Variants in LHFPL3 observed in about 807,000 individuals in gnomAD.
The protein encoded by LHFPL3 is LHFPL tetraspan subfamily member 3 protein.
Under a neutral mutation model 19.3 loss-of-function variants are expected in LHFPL3, and 5 were observed. That is an observed-to-expected ratio of 0.26 (90% CI 0.14 to 0.54). The LOEUF is 0.54. Ranked by LOEUF, LHFPL3 falls within the 20% of genes least tolerant of loss-of-function variation. The probability of loss-of-function intolerance (pLI) is 0.94; values close to 1 mark genes in which losing one functional copy is unlikely to be tolerated. For synonymous variants in LHFPL3, 133 were observed against 126.2 expected, an observed-to-expected ratio of 1.05 and a Z score of -0.36; for missense variants, 249 against 307.4, an observed-to-expected ratio of 0.81 and a Z score of 1.42.
intron 2 of LHFPL3, among the ~76,000 whole-genome samples, chr7:104,760,501 T>C (rs955061376): frequency 2.6e-5 from 4 of 152,216 alleles, no homozygotes; most frequent in African/African-American, 9.6e-5. Context: ...CATGTAAACA[T>C]ACAGTAGCCT....
intron 1 of LHFPL3, among the ~76,000 whole-genome samples, chr7:104,628,390 A>G (rs1265217378): frequency 6.6e-6 from 1 of 152,214 alleles, no homozygotes; most frequent in Non-Finnish European, 1.5e-5. Context: ...CTGCCCTGAC[A>G]TACATAATCC....
intron 1 of LHFPL3, among the ~76,000 whole-genome samples, chr7:104,603,104 TTCTTTCTTTC>T (rs1310697939): frequency 7.1e-6 from 1 of 141,470 alleles, no homozygotes; most frequent in Non-Finnish European, 1.5e-5. Flanking sequence ...CTTTCTTTCT[TTCTTTCTTTC>T]TTTCTTTCTT....
At chr7:104,462,375 A>G (rs562970893) in intron 1 of LHFPL3, among the ~76,000 whole-genome samples, 6 of 152,232 alleles carry the variant, frequency 3.9e-5, no homozygotes, top group Admixed American at 2.0e-4. Context: ...TTTGTCATGG[A>G]TGGCTATTAT....
rs372133666 is a variant in LHFPL3 at position 104,873,639 on chromosome 7, G to GA, written c.683-32539dup. Among the ~76,000 whole-genome samples, 26 of 150,114 alleles carry GA rather than the reference G, an allele frequency of 1.7e-4. No homozygotes were observed. The East Asian group carries it at 3.5e-3, about 20-fold the overall frequency. On this transcript the variant is annotated intron_variant, in intron 2 of 2. Transcript: ENST00000424859. ...AAAGATTCTGTCTCTAAAAAGGAAAGAAAAAAAAACTGAAACTGGTATGTT... is the reference window on the plus strand; with the variant it reads ...AAAGATTCTGTCTCTAAAAAGGAAAGAAAAAAAAAACTGAAACTGGTATGTT...
chr7:104,717,830 G>C (rs1793418190), intron 1 of LHFPL3, among the ~76,000 whole-genome samples: 1 of 152,074 alleles, frequency 6.6e-6, no homozygotes, highest in African/African-American at 2.4e-5. Context: ...TGAAATCAGG[G>C]TCTCAAGGAG....
rs552384233 is a variant in LHFPL3 at position 104,584,070 on chromosome 7, A to G, written c.446-152605A>G. On this transcript the variant is annotated intron_variant, in intron 1 of 2. Transcript: ENST00000424859. Reference sequence around the variant, plus strand: ...CTTGGAACCAACCCAAATGTCCAACAATGATAGACTGGATTAAGAAAATGT... The same window carrying G: ...CTTGGAACCAACCCAAATGTCCAACGATGATAGACTGGATTAAGAAAATGT... 1.6e-3 allele frequency among the ~76,000 whole-genome samples: 248 copies of G among 152,248 alleles called. 2 individuals are homozygous for G. The highest frequency in any genetic ancestry group is 5.1e-3 in the African/African-American group (211 of 41,546).
intron 1 of LHFPL3, among the ~76,000 whole-genome samples, chr7:104,529,297 A>G (rs920085469): frequency 6.6e-6 from 1 of 152,116 alleles, no homozygotes; most frequent in African/African-American, 2.4e-5. Context: ...CAGATTTCTC[A>G]CAGATAGGCC....
chr7:104,640,963 T>C lies in LHFPL3; in HGVS notation c.446-95712T>C, dbSNP rs55729538. 4.5e-3 allele frequency among the ~76,000 whole-genome samples: 683 copies of C among 152,340 alleles called. 42 individuals carry two copies. The East Asian group carries it at 0.11, about 25-fold the overall frequency. ...GATTTTGAAACGTATTACATGATTTTAGAAGACTATTTATCCCTCACATGC... is the reference window on the plus strand; with the variant it reads ...GATTTTGAAACGTATTACATGATTTCAGAAGACTATTTATCCCTCACATGC... On this transcript the variant is annotated intron_variant, in intron 1 of 2. Coordinates refer to ENST00000424859, the MANE Select transcript of LHFPL3 (RefSeq NM_199000.3).
chr7:104,478,469 T>A (rs533896615), intron 1 of LHFPL3, among the ~76,000 whole-genome samples: 1 of 152,146 alleles, frequency 6.6e-6, no homozygotes, highest in South Asian at 2.1e-4. Context: ...ACCCAGAAAG[T>A]CTTAATTAGG....
intron 1 of LHFPL3, among the ~76,000 whole-genome samples, chr7:104,420,554 ATTTTTTTTTT>A (rs71153195): frequency 8.9e-6 from 1 of 112,710 alleles, no homozygotes; most frequent in Non-Finnish European, 1.7e-5. Context: ...CAAAGGGTGA[ATTTTTTTTTT>A]TTTTTTTTTT....
intron 1 of LHFPL3, among the ~76,000 whole-genome samples, chr7:104,417,688 A>C (rs180881059): frequency 6.6e-6 from 1 of 152,284 alleles, no homozygotes; most frequent in East Asian, 1.9e-4. Flanking sequence ...GGTTTTTTGA[A>C]TATTTTTCCA....
intron 1 of LHFPL3, among the ~76,000 whole-genome samples, chr7:104,551,577 C>T (rs948213143): frequency 2.6e-5 from 4 of 152,022 alleles, no homozygotes; most frequent in African/African-American, 7.2e-5. Flanking sequence ...ATAATTTATT[C>T]ACAAATGCCT....
chr7:104,735,716 C>T (rs766726673), intron 1 of LHFPL3, among the ~76,000 whole-genome samples: 16 of 152,244 alleles, frequency 1.1e-4, no homozygotes, highest in Non-Finnish European at 2.2e-4. Context: ...TGCACTGCAC[C>T]CACTGTCTGA....
At chr7:104,604,511 C>T (rs1387279323) in intron 1 of LHFPL3, among the ~76,000 whole-genome samples, 1 of 152,218 alleles carries the variant, frequency 6.6e-6, no homozygotes, top group African/African-American at 2.4e-5. Context: ...TTGGCCACAC[C>T]CTTAGTTCAT....
At chr7:104,493,466 C>T (rs1308849591) in intron 1 of LHFPL3, among the ~76,000 whole-genome samples, 1 of 151,950 alleles carries the variant, frequency 6.6e-6, no homozygotes, top group Non-Finnish European at 1.5e-5. Context: ...CTTTACAGCG[C>T]ATGTATCTCA....
At chr7:104,847,592 C>CCTCCGACTCCCAGGTTT (rs1306729726) in intron 2 of LHFPL3, among the ~76,000 whole-genome samples, 8 of 152,164 alleles carry the variant, frequency 5.3e-5, no homozygotes, top group African/African-American at 1.9e-4. Flanking sequence ...CTCACTGCAA[C>CCTCCGACTCCCAGGTTT]CTCCGACTCC....
intron 1 of LHFPL3, among the ~76,000 whole-genome samples, chr7:104,528,340 G>A (rs552661272): frequency 1.3e-5 from 2 of 152,306 alleles, no homozygotes; most frequent in East Asian, 3.9e-4. Context: ...ACTTCCCCTT[G>A]AAGTATAAAC....
intron 1 of LHFPL3, among the ~76,000 whole-genome samples, chr7:104,455,954 T>C (rs1347218128): frequency 3.9e-5 from 2 of 51,900 alleles, no homozygotes; most frequent in Admixed American, 4.0e-4. Context: ...GAAGATGAGT[T>C]TTTAAAATTA....
chr7:104,353,135 A>G (rs551476357), intron 1 of LHFPL3, among the ~76,000 whole-genome samples: 2 of 152,360 alleles, frequency 1.3e-5, no homozygotes. Context: ...ATGAAACCAG[A>G]CATTTTATTC....
Sources: allele counts gnomAD v4.1 joint callset (sites outside exome capture counted in the v4.1 genomes callset), GRCh38; gene constraint gnomAD v4.1.1; transcripts MANE v1.5; gene names NCBI Gene and HGNC (gene_info 2026-07-23, HGNC 2026-07-21).